ALK: variants seen among roughly 807,000 people sequenced by gnomAD.
ALK encodes the protein ALK tyrosine kinase receptor.
ALK carries 74 observed loss-of-function variants against 163.1 expected under a neutral mutation model. The observed-to-expected ratio is 0.45, with a 90% CI of 0.38 to 0.55. ALK has a LOEUF of 0.55. Among genes scored for constraint, ALK ranks in the 20% least tolerant of loss-of-function variants. The pLI is 0.00. For synonymous variants in ALK, 960 were observed against 843.2 expected, an observed-to-expected ratio of 1.14 and a Z score of -2.40; for missense variants, 2,063 against 2,105.3, an observed-to-expected ratio of 0.98 and a Z score of 0.39.
intron 3 of ALK, among the ~76,000 whole-genome samples, chr2:29,668,820 G>T (rs1404697147): frequency 2.6e-5 from 4 of 152,102 alleles, no homozygotes; most frequent in Non-Finnish European, 5.9e-5. Context: ...TGGCTGCGGA[G>T]ACCTCACAAT....
chr2:29,876,915 C>G (rs1344521325), intron 1 of ALK, among the ~76,000 whole-genome samples: 1 of 152,152 alleles, frequency 6.6e-6, no homozygotes, highest in Non-Finnish European at 1.5e-5. Context: ...CAGGCCCTGT[C>G]CCACCAGTTT....
At chr2:29,561,766 T>A (rs1231758765) in intron 3 of ALK, among the ~76,000 whole-genome samples, 1 of 152,194 alleles carries the variant, frequency 6.6e-6, no homozygotes. Flanking sequence ...TATCACATTC[T>A]CTTTTTGTCT....
intron 4 of ALK, among the ~76,000 whole-genome samples, chr2:29,473,475 A>G (rs926739263): frequency 6.6e-6 from 1 of 152,228 alleles, no homozygotes; most frequent in South Asian, 2.1e-4. Context: ...AATATCTGCA[A>G]TATTCACAAT....
At chr2:29,476,212 G>T (rs970308444) in intron 4 of ALK, among the ~76,000 whole-genome samples, 1 of 152,152 alleles carries the variant, frequency 6.6e-6, no homozygotes, top group African/African-American at 2.4e-5. Flanking sequence ...CCCCATGCCT[G>T]CAGGCATGCA....
At chr2:29,198,817 T>C (rs1367989073) in intron 26 of ALK, among the ~76,000 whole-genome samples, 5 of 152,220 alleles carry the variant, frequency 3.3e-5, no homozygotes. Context: ...CATTTCACTT[T>C]TTTTTCCTAT....
chr2:29,819,137 T>G (rs1398055467), intron 1 of ALK, among the ~76,000 whole-genome samples: 1 of 152,212 alleles, frequency 6.6e-6, no homozygotes, highest in African/African-American at 2.4e-5. Flanking sequence ...ATAAAGAATC[T>G]CAGCCTCCAA....
chr2:29,198,295 C>G (rs1669074300), intron 26 of ALK, among the ~76,000 whole-genome samples: 1 of 152,126 alleles, frequency 6.6e-6, no homozygotes, highest in Admixed American at 6.6e-5. Context: ...ATAGGCAACT[C>G]AAATTTAACA....
At chr2:29,508,558 AG>A (rs1163519342) in intron 4 of ALK, among the ~76,000 whole-genome samples, 2 of 151,882 alleles carry the variant, frequency 1.3e-5, no homozygotes, top group East Asian at 1.9e-4. Context: ...GGGTGTGGGG[AG>A]CGGGAAGGGA....
chr2:29,385,886 T>G (rs1244642968), intron 4 of ALK, among the ~76,000 whole-genome samples: 2 of 152,232 alleles, frequency 1.3e-5, no homozygotes, highest in Non-Finnish European at 2.9e-5. Context: ...AAGCTAACTC[T>G]GTGTACTTAT....
intron 3 of ALK, among the ~76,000 whole-genome samples, chr2:29,646,334 T>A (rs1676874743): frequency 6.6e-6 from 1 of 152,180 alleles, no homozygotes; most frequent in African/African-American, 2.4e-5. Flanking sequence ...CAGCATCTGA[T>A]ACAAGTTGTC....
At chr2:29,402,237 G>C (rs1344633919) in intron 4 of ALK, among the ~76,000 whole-genome samples, 2 of 152,254 alleles carry the variant, frequency 1.3e-5, no homozygotes, top group Non-Finnish European at 2.9e-5. Flanking sequence ...GGGGGGCCAG[G>C]GGCTGGCTAA....
At position 29,722,805 on chromosome 2, in the gene ALK, T is replaced by C. The variant is rs1045330211; in HGVS notation, c.668-5108A>G. ...CCCAATAAGCATCTGAAACTTACCA[T>C]GAGCAAGCCAAAAACCTAACCTCCC... On this transcript the variant is annotated intron_variant, in intron 1 of 28. Transcript: ENST00000389048. 2.0e-5 allele frequency among the ~76,000 whole-genome samples: 3 copies of C among 152,190 alleles called. No individual in the cohort carries two copies. The East Asian group carries it at 5.8e-4, about 29-fold the overall frequency.
intron 8 of ALK, among the ~76,000 whole-genome samples, chr2:29,304,989 T>C (rs1049919323): frequency 7.9e-5 from 12 of 152,168 alleles, no homozygotes; most frequent in African/African-American, 2.7e-4. Context: ...TTTAAGTAGA[T>C]GTGGGTAGGT....
chr2:29,339,208 A>G (rs1667716442), intron 5 of ALK, among the ~76,000 whole-genome samples: 3 of 150,878 alleles, frequency 2.0e-5, no homozygotes, highest in African/African-American at 7.3e-5. Context: ...ACGCCACTGC[A>G]CTCCAGCCTG....
At chr2:29,522,243 T>C (rs72794496) in intron 4 of ALK, among the ~76,000 whole-genome samples, 18,970 of 152,198 alleles carry the variant, frequency 0.12, 1,476 homozygotes, top group Non-Finnish European at 0.18. Flanking sequence ...TTAACCTCAC[T>C]GAGCCTCAGC....
chr2:29,376,002 A>G (rs1668744287), intron 5 of ALK, among the ~76,000 whole-genome samples: 1 of 152,154 alleles, frequency 6.6e-6, no homozygotes, highest in South Asian at 2.1e-4. Context: ...CTGACCAGAA[A>G]CATTCCAAAC....
At chr2:29,595,605 C>G (rs1244984778) in intron 3 of ALK, among the ~76,000 whole-genome samples, 2 of 152,198 alleles carry the variant, frequency 1.3e-5, no homozygotes, top group Non-Finnish European at 2.9e-5. Flanking sequence ...CAGGCGTGAG[C>G]CGCCGCGCCC....
intron 4 of ALK, among the ~76,000 whole-genome samples, chr2:29,475,067 C>T (rs1309083428): frequency 1.3e-5 from 2 of 152,248 alleles, no homozygotes; most frequent in East Asian, 3.9e-4. Context: ...TTATCTCCTC[C>T]ACTCACTCAT....
chr2:29,738,648 C>A (rs1366560554), intron 1 of ALK, among the ~76,000 whole-genome samples: 1 of 152,034 alleles, frequency 6.6e-6, no homozygotes, highest in Non-Finnish European at 1.5e-5. Context: ...AAATGAAGAA[C>A]TGAAATTTCA....
Sources: allele counts gnomAD v4.1 joint callset (sites outside exome capture counted in the v4.1 genomes callset), GRCh38; gene constraint gnomAD v4.1.1; transcripts MANE v1.5; gene names NCBI Gene and HGNC (gene_info 2026-07-23, HGNC 2026-07-21).